RFX8: variants seen among roughly 807,000 people sequenced by gnomAD.
The protein encoded by RFX8 is DNA-binding protein RFX8.
RFX8 carries 46 observed loss-of-function variants against 54.6 expected under a neutral mutation model. That is an observed-to-expected ratio of 0.84 (90% CI 0.67 to 1.08). The LOEUF (loss-of-function observed/expected upper bound fraction) is 1.08, where lower values mean the gene tolerates loss of function less well. RFX8 is among the 50% of genes least tolerant of loss of function. RFX8 has a pLI of 0.00. For missense variants in RFX8, 536 were observed against 562.3 expected (o/e 0.95, Z 0.47); for synonymous variants, 192 against 209.5 (o/e 0.92, Z 0.72).
intron 2 of RFX8, among the ~76,000 whole-genome samples, chr2:101,446,894 G>A (rs150879083): frequency 1.3e-5 from 2 of 152,226 alleles, no homozygotes; most frequent in African/African-American, 4.8e-5. Flanking sequence ...GAACAAATTC[G>A]CACCAGGGAC....
At chr2:101,445,519 A>G (rs1688325518) in intron 2 of RFX8, among the ~76,000 whole-genome samples, 1 of 151,906 alleles carries the variant, frequency 6.6e-6, no homozygotes, top group African/African-American at 2.4e-5. Flanking sequence ...CAGCTTCCTG[A>G]ATAGCTGGGA....
At chr2:101,449,543 C>A (rs4850978) in intron 2 of RFX8, among the ~76,000 whole-genome samples, 115,094 of 152,012 alleles carry the variant, frequency 0.76, 44,504 homozygotes, top group Middle Eastern at 0.88. Flanking sequence ...TAGGTTCTAT[C>A]TGTTGGTATC....
intron 6 of RFX8, among the ~76,000 whole-genome samples, chr2:101,416,185 T>G (rs1573380649): frequency 3.7e-5 from 5 of 136,502 alleles, no homozygotes; most frequent in South Asian, 2.4e-4. Flanking sequence ...GTGGAGGGAG[T>G]GTGGCTGGGG....
At chr2:101,449,494 C>T (rs1041865301) in intron 2 of RFX8, among the ~76,000 whole-genome samples, 9 of 152,002 alleles carry the variant, frequency 5.9e-5, no homozygotes, top group African/African-American at 2.2e-4. Context: ...GCTTTGTGAC[C>T]CACGGGGGTC....
chr2:101,402,096 G>C (rs1685470095), intron 11 of RFX8, among the ~76,000 whole-genome samples: 1 of 152,168 alleles, frequency 6.6e-6, no homozygotes, highest in Admixed American at 6.5e-5. Context: ...TGAACACTAG[G>C]GGAATTTTCA....
At chr2:101,470,232 C>A (rs1372473548) in intron 1 of RFX8, among the ~76,000 whole-genome samples, 3 of 152,154 alleles carry the variant, frequency 2.0e-5, no homozygotes, top group Non-Finnish European at 4.4e-5. Context: ...ACATGACCTG[C>A]CTACTACCGT....
chr2:101,473,943 C>T (rs1365660965), intron 1 of RFX8, among the ~76,000 whole-genome samples: 1 of 152,204 alleles, frequency 6.6e-6, no homozygotes, highest in Non-Finnish European at 1.5e-5. Context: ...TGGCTTTCCG[C>T]GGGAAGGGTG....
chr2:101,468,744 TG>T (rs1051619693), intron 1 of RFX8, among the ~76,000 whole-genome samples: 2 of 151,528 alleles, frequency 1.3e-5, no homozygotes, highest in Admixed American at 1.3e-4. Context: ...GAGTTTTTTT[TG>T]GGGGGATGCT....
chr2:101,466,227 T>C (rs563283272), intron 2 of RFX8, among the ~76,000 whole-genome samples: 1 of 151,714 alleles, frequency 6.6e-6, no homozygotes, highest in Non-Finnish European at 1.5e-5. Context: ...GAGGCTCATT[T>C]GAACCTGGGA....
chr2:101,418,479 G>T (rs1413022518), intron 5 of RFX8, among the ~76,000 whole-genome samples: 1 of 152,168 alleles, frequency 6.6e-6, no homozygotes, highest in South Asian at 2.1e-4. Context: ...TAGAGATAGA[G>T]CTTCAACCAA....
At chr2:101,422,123 C>T (rs1442855716) in intron 3 of RFX8, among the ~76,000 whole-genome samples, 2 of 152,168 alleles carry the variant, frequency 1.3e-5, no homozygotes, top group Non-Finnish European at 2.9e-5. Flanking sequence ...ATATCTGTTT[C>T]TTTCTTTGTC....
chr2:101,466,667 T>C (rs1689589419), intron 2 of RFX8, 110 bp downstream of exon 2: 1 of 798,390 alleles, frequency 1.3e-6, no homozygotes, highest in Non-Finnish European at 2.2e-6. Flanking sequence ...AAGCCAAAGA[T>C]ACCCACTGAA....
At chr2:101,423,615 T>C (rs1686996956) in intron 2 of RFX8, among the ~76,000 whole-genome samples, 2 of 152,168 alleles carry the variant, frequency 1.3e-5, no homozygotes, top group African/African-American at 4.8e-5. Context: ...AGTTCCAAGG[T>C]CAGCATTCCA....
chr2:101,452,386 T>G (rs1299182192), intron 2 of RFX8: 12 of 1,427,958 alleles, frequency 8.4e-6, no homozygotes, highest in Non-Finnish European at 9.2e-6. Context: ...TAAACCTACC[T>G]GGCACTTCCT....
rs1558896534 is a variant in RFX8, at chr2:101,469,064, ATG to A, written c.-52-2166_-52-2165del. On this transcript the variant is annotated intron_variant, in intron 1 of 11. Transcript: ENST00000428343. ...TATGTATATATATATACGTATATAT[ATG>A]TATATATATATAAGTGTATATATAT... Among the ~76,000 whole-genome samples, 201 of 20,576 alleles carry A rather than the reference ATG, an allele frequency of 9.8e-3. 1 individual carries two copies. Among genetic ancestry groups the A allele is most frequent in the East Asian group, 0.012 (17 of 1,470 alleles). The allele number at this position is 20,576 out of a possible 152,430, so 13.5% of individuals were successfully genotyped here.
intron 2 of RFX8, among the ~76,000 whole-genome samples, chr2:101,465,518 A>G (rs561919250): frequency 6.6e-6 from 1 of 152,344 alleles, no homozygotes; most frequent in African/African-American, 2.4e-5. Flanking sequence ...CAAAAAAGCA[A>G]AAAACAAAAA....
chr2:101,454,902 T>C (rs1688882815), intron 2 of RFX8, among the ~76,000 whole-genome samples: 1 of 152,226 alleles, frequency 6.6e-6, no homozygotes, highest in South Asian at 2.1e-4. Context: ...TTTAGTTTAA[T>C]TAGATCCCAT....
In RFX8 at chr2:101,397,616, T is replaced by G. The variant is rs1032134147; in HGVS notation, c.1354A>C (p.Ile452Leu). 5.2e-6 allele frequency: 8 copies of G among 1,551,126 alleles called. No individual in the cohort carries two copies. In the African/African-American group the frequency reaches 1.1e-4, roughly 21 times the overall value. ...CTTTGGGGTACATCTGATATCTGAA[T>G]CACAAATTGTTGTCCATCTTTTAGG... Reference protein sequence around the residue: ...ITLKDGQQFVIQISDVPQSSE... With the variant: ...ITLKDGQQFVLQISDVPQSSE... The change falls in exon 12 of 12, where the codon ATT (isoleucine) becomes CTT (leucine). Residue 452 changes from isoleucine (I) to leucine (L), a missense_variant. Ile to Leu is a conservative substitution (Grantham distance 5). Coordinates refer to ENST00000428343, the MANE Select transcript of RFX8 (RefSeq NM_001145664.2).
At chr2:101,415,087 C>T (rs1430153681) in intron 6 of RFX8, among the ~76,000 whole-genome samples, 175 bp from the exon 7 acceptor site, 5 of 151,986 alleles carry the variant, frequency 3.3e-5, no homozygotes, top group Non-Finnish European at 5.9e-5. Flanking sequence ...TGGCAGGGGA[C>T]GCTTGGCTGA....
Sources: allele counts gnomAD v4.1 joint callset (sites outside exome capture counted in the v4.1 genomes callset), GRCh38; gene constraint gnomAD v4.1.1; transcripts MANE v1.5; gene names NCBI Gene and HGNC (gene_info 2026-07-23, HGNC 2026-07-21).